The following LCMT1 variants were observed in gnomAD, a reference collection of about 807,000 sequenced individuals.
LCMT1 encodes leucine carboxyl methyltransferase 1, also known as [Phosphatase 2A protein]-leucine-carboxy methyltransferase 1.
In LCMT1, 32 loss-of-function variants were observed where a neutral mutation model predicts 47.7. The ratio of observed to expected loss-of-function variants is 0.67; its 90% CI spans 0.51 to 0.90. The LOEUF is 0.90. LCMT1 is among the 40% of genes least tolerant of loss of function. The pLI is 0.00. For missense variants in LCMT1, 375 were observed against 415.2 expected (o/e 0.90, Z 0.84); for synonymous variants, 152 against 149.7 (o/e 1.02, Z -0.11).
chr16:25,128,843 A>T (rs1431877257), intron 2 of LCMT1, among the ~76,000 whole-genome samples: 1 of 144,624 alleles, frequency 6.9e-6, no homozygotes, highest in African/African-American at 2.5e-5. Flanking sequence ...TCACTCATAA[A>T]TGGGAGTTGA....
intron 3 of LCMT1, among the ~76,000 whole-genome samples, chr16:25,134,344 A>T (rs1165874776): frequency 6.6e-6 from 1 of 152,320 alleles, no homozygotes; most frequent in Admixed American, 6.5e-5. Context: ...CACTAACATC[A>T]TGAAGTGTTT....
chr16:25,161,086 CTGAT>C lies in LCMT1; in HGVS notation c.467-13_467-10del. The C allele has an allele frequency of 6.6e-7, 1 of 1,504,636 alleles. No homozygotes were observed. Among genetic ancestry groups the C allele is most frequent in the Non-Finnish European group, 9.2e-7 (1 of 1,090,094 alleles). 93.2% of individuals were successfully genotyped at this position (1,504,636 alleles called of 1,614,324 possible). On this transcript the variant is annotated splice_polypyrimidine_tract_variant and intron_variant, in intron 5 of 10. Transcript: ENST00000399069. ...GACATATTCATTAAAATTATAGCCT[CTGAT>C]TGCATTTGCAGATGGACACATACTG...
chr16:25,169,932 T>G (rs1490912567), intron 8 of LCMT1, among the ~76,000 whole-genome samples: 2 of 152,036 alleles, frequency 1.3e-5, no homozygotes, highest in Non-Finnish European at 2.9e-5. Flanking sequence ...GTAGGTTCAT[T>G]TTTTTGGGCG....
intron 1 of LCMT1, among the ~76,000 whole-genome samples, chr16:25,117,829 G>A (rs1959845697): frequency 6.6e-6 from 1 of 150,882 alleles, no homozygotes. Flanking sequence ...TCCGGCCTGG[G>A]CGACAGAGAG....
chr16:25,155,839 C>A (rs567140308), intron 5 of LCMT1, among the ~76,000 whole-genome samples: 16 of 152,200 alleles, frequency 1.1e-4, no homozygotes. Context: ...TGCTGCCACA[C>A]ACAGATGATT....
intron 1 of LCMT1, among the ~76,000 whole-genome samples, chr16:25,125,069 T>C (rs1960121413): frequency 6.6e-6 from 1 of 152,222 alleles, no homozygotes; most frequent in Non-Finnish European, 1.5e-5. Context: ...TTTTTGAATC[T>C]AGGCTTTGAA....
chr16:25,177,917 G>A lies in LCMT1; in HGVS notation c.983-84G>A. 4.2e-6 allele frequency: 5 copies of A among 1,197,422 alleles called. No homozygotes were observed. In the Admixed American group the frequency reaches 8.5e-5, roughly 20 times the overall value. 74.2% of individuals were successfully genotyped at this position (1,197,422 alleles called of 1,614,324 possible). A position where few individuals can be genotyped will look rare whatever the true frequency, so the allele number is the denominator to read the frequency against. ...GGTCAGCAGTGTGGCTGGTGCCCCT[G>A]AGCCGGTCACTGGGGGTCCTCTAGG... On this transcript the variant is annotated intron_variant, in intron 10 of 10. Transcript: ENST00000399069.
At chr16:25,142,382 G>T (rs1033014488) in intron 4 of LCMT1, 1 of 152,186 alleles carries the variant, frequency 6.6e-6, no homozygotes, top group African/African-American at 2.4e-5. Flanking sequence ...AGCCCAATGA[G>T]GTTTATACAT....
chr16:25,149,580 G>A (rs1048892762), intron 4 of LCMT1, among the ~76,000 whole-genome samples: 20 of 152,142 alleles, frequency 1.3e-4, no homozygotes, highest in East Asian at 1.9e-4. Context: ...GAATTTTTAT[G>A]TCTTTTGTTT....
intron 3 of LCMT1, among the ~76,000 whole-genome samples, chr16:25,133,923 A>G (rs1015392242): frequency 6.6e-6 from 1 of 151,176 alleles, no homozygotes; most frequent in African/African-American, 2.4e-5. Context: ...TCCTAGCTAC[A>G]TGGGAGGCTG....
intron 3 of LCMT1, chr16:25,139,932 C>T (rs1230177868): frequency 4.0e-6 from 2 of 499,422 alleles, no homozygotes; most frequent in Admixed American, 3.2e-5. Context: ...AGGCTCCTTC[C>T]TGGACCTTAC....
chr16:25,153,778 C>T (rs1961151458), intron 5 of LCMT1, among the ~76,000 whole-genome samples: 1 of 151,838 alleles, frequency 6.6e-6, no homozygotes, highest in African/African-American at 2.4e-5. Flanking sequence ...CATGATGAAA[C>T]CCCGTCTCTA....
chr16:25,127,343 T>G (rs1469753222), intron 1 of LCMT1, among the ~76,000 whole-genome samples: 1 of 152,184 alleles, frequency 6.6e-6, no homozygotes, highest in Non-Finnish European at 1.5e-5. Context: ...GGGTATGCTG[T>G]TTTCCTTGGA....
intron 1 of LCMT1, among the ~76,000 whole-genome samples, chr16:25,127,835 A>T (rs1296646188): frequency 6.6e-6 from 1 of 152,068 alleles, no homozygotes; most frequent in African/African-American, 2.4e-5. Context: ...GGTTCTACTC[A>T]TGGTTGCAAG....
At chr16:25,120,423 T>C (rs1453355787) in intron 1 of LCMT1, among the ~76,000 whole-genome samples, 2 of 150,818 alleles carry the variant, frequency 1.3e-5, no homozygotes, top group East Asian at 4.0e-4. Flanking sequence ...TTCTTTTTTT[T>C]TCTTTTTCTT....
At chr16:25,145,775 A>G (rs1026941765) in intron 4 of LCMT1, 8 of 152,262 alleles carry the variant, frequency 5.3e-5, no homozygotes, top group Admixed American at 3.9e-4. Context: ...TTTAGGAGGT[A>G]TGATTTCCTC....
chr16:25,160,859 G>T (rs1961406956), intron 5 of LCMT1: 1 of 620,312 alleles, frequency 1.6e-6, no homozygotes, highest in East Asian at 3.2e-5. Flanking sequence ...GCATGAGAGG[G>T]GATGTGTTTT....
At chr16:25,165,243 T>A (rs1567327136) in intron 7 of LCMT1, among the ~76,000 whole-genome samples, 1 of 152,224 alleles carries the variant, frequency 6.6e-6, no homozygotes, top group Non-Finnish European at 1.5e-5. Flanking sequence ...AAATGCAGGA[T>A]TTTAATGTAA....
At chr16:25,124,806 C>T (rs1273740786) in intron 1 of LCMT1, among the ~76,000 whole-genome samples, 1 of 152,124 alleles carries the variant, frequency 6.6e-6, no homozygotes, top group African/African-American at 2.4e-5. Context: ...CTGTCTTTCC[C>T]GTGGGAGGAA....
Sources: gnomAD v4.1 joint callset for allele counts (sites outside exome capture counted in the v4.1 genomes callset) on GRCh38, gnomAD v4.1.1 for gene constraint, MANE v1.5 for transcripts, NCBI Gene and HGNC (gene_info 2026-07-23, HGNC 2026-07-21) for gene names.